MAPK6: variants seen among roughly 807,000 people sequenced by gnomAD.
MAPK6 encodes the protein ERK-3.
Under a neutral mutation model 59.3 loss-of-function variants are expected in MAPK6, and 19 were observed. The ratio of observed to expected loss-of-function variants is 0.32; its 90% confidence interval spans 0.22 to 0.47. The LOEUF is 0.47. Ranked by LOEUF, MAPK6 falls within the 20% of genes least tolerant of loss-of-function variation. The probability of loss-of-function intolerance (pLI) is 1.00; values close to 1 mark genes in which losing one functional copy is unlikely to be tolerated. For missense variants in MAPK6, 724 were observed against 847.9 expected, an observed-to-expected ratio of 0.85 and a Z score of 1.81; for synonymous variants, 316 against 290.3, an observed-to-expected ratio of 1.09 and a Z score of -0.90.
At chr15:52,025,434 A>G (rs1595979985) in intron 1 of MAPK6, among the ~76,000 whole-genome samples, 1 of 152,226 alleles carries the variant, frequency 6.6e-6, no homozygotes, top group African/African-American at 2.4e-5. Flanking sequence ...GCCATTGGCC[A>G]TGTGTGACTG....
chr15:52,057,646 G>GCCTCC (rs2032033992), intron 3 of MAPK6, among the ~76,000 whole-genome samples: 1 of 152,142 alleles, frequency 6.6e-6, no homozygotes, highest in Non-Finnish European at 1.5e-5. Flanking sequence ...CAGGGTCCAA[G>GCCTCC]CAATTCTTGT....
chr15:51,981,777 G>A lies in MAPK6; in HGVS notation c.-879-1429G>A, dbSNP rs1313456170. 2.0e-5 allele frequency among the ~76,000 whole-genome samples: 3 copies of A among 152,122 alleles called. No homozygotes were observed. The East Asian group carries it at 5.8e-4, about 29-fold the overall frequency. ...AACTACTGGAGGAAAGAATCAGAAG[G>A]AACAAAGAAAGGAGGATGGGGTACG... On this transcript the variant is annotated intron_variant, in intron 1 of 7. Coordinates refer to the MAPK6 transcript ENST00000691380.
exon 1 of MAPK6, chr15:51,971,879 C>T: frequency 1.1e-6 from 1 of 930,740 alleles, no homozygotes; most frequent in Admixed American, 1.9e-5. Context: ...CTAGTTTTCG[C>T]TCGCCCAGTG....
chr15:52,063,043 A>G (rs2032267024), intron 5 of MAPK6, among the ~76,000 whole-genome samples: 1 of 151,956 alleles, frequency 6.6e-6, no homozygotes, highest in African/African-American at 2.4e-5. Flanking sequence ...TTTTTTCTCC[A>G]TGTGTCCATT....
At chr15:51,989,259 T>G (rs556164259) in intron 2 of MAPK6, among the ~76,000 whole-genome samples, 1 of 151,978 alleles carries the variant, frequency 6.6e-6, no homozygotes, top group South Asian at 2.1e-4. Flanking sequence ...TTTGTATTTT[T>G]GTAGAGACCG....
chr15:52,064,800 G>C lies in MAPK6; in HGVS notation c.1966G>C (p.Gly656Arg). 2 of 1,611,958 alleles carry C rather than the reference G, an allele frequency of 1.2e-6. No homozygotes were observed. Among genetic ancestry groups the C allele is most frequent in the Non-Finnish European group, 1.7e-6 (2 of 1,179,840 alleles). Residue 656 changes from glycine (G) to arginine (R), a missense_variant, in exon 6 of 6, where the codon GGA becomes CGA. Physicochemically the swap from Gly to Arg is moderately radical, Grantham distance 125. This residue lies in a region of MAPK6 where 502 missense variants were observed against 507.6 expected (regional missense o/e 0.99). Coordinates refer to ENST00000261845, the MANE Select transcript of MAPK6 (RefSeq NM_002748.4). Reference protein sequence around the residue: ...PVEDGKLGERGHEEGFLNNSG... With the variant: ...PVEDGKLGERRHEEGFLNNSG... ...AGAGGATGGGAAGCTTGGGGAGAGA[G>C]GACATGAGGAAGGATTTCTGAACAA...
intron 3 of MAPK6, chr15:52,011,410 A>C (rs2030055145): frequency 6.6e-6 from 1 of 152,252 alleles, no homozygotes; most frequent in Non-Finnish European, 1.5e-5. Context: ...AGTGGCCCCC[A>C]AATCTATTGC....
intron 1 of MAPK6, among the ~76,000 whole-genome samples, chr15:51,976,877 G>C (rs2057159026): frequency 6.6e-6 from 1 of 151,746 alleles, no homozygotes; most frequent in Non-Finnish European, 1.5e-5. Context: ...CCGGGAGGCG[G>C]AGGATGCAGG....
At chr15:52,039,100 C>T (rs1018897750) in intron 1 of MAPK6, among the ~76,000 whole-genome samples, 7 of 152,332 alleles carry the variant, frequency 4.6e-5, no homozygotes, top group East Asian at 1.9e-4. Flanking sequence ...GCAACCTCCA[C>T]CTCCCAGGTT....
chr15:52,062,743 C>T (rs920639896), intron 5 of MAPK6, among the ~76,000 whole-genome samples: 5 of 152,138 alleles, frequency 3.3e-5, no homozygotes, highest in Middle Eastern at 6.8e-3. Flanking sequence ...CCAGCCTGGG[C>T]GACAGAGCAA....
intron 1 of MAPK6, among the ~76,000 whole-genome samples, chr15:52,031,466 T>C (rs1273028014): frequency 6.6e-6 from 1 of 152,230 alleles, no homozygotes; most frequent in African/African-American, 2.4e-5. Context: ...TGGGAGGATT[T>C]AGTGTAAGGG....
At chr15:51,984,223 A>C (rs1265854951) in intron 2 of MAPK6, among the ~76,000 whole-genome samples, 1 of 152,174 alleles carries the variant, frequency 6.6e-6, no homozygotes, top group Admixed American at 6.6e-5. Flanking sequence ...AGAAAGGAGC[A>C]TCATATATTG....
At chr15:51,972,562 G>T (rs1055312224) in intron 1 of MAPK6, among the ~76,000 whole-genome samples, 15 of 148,902 alleles carry the variant, frequency 1.0e-4, no homozygotes, top group South Asian at 4.3e-4. Context: ...GGTCGCTCAC[G>T]CCTGTAATCC....
intron 2 of MAPK6, among the ~76,000 whole-genome samples, chr15:51,992,293 A>ATCTATC (rs56098548): frequency 0.014 from 1,447 of 101,194 alleles, 19 homozygotes; most frequent in African/African-American, 0.031. Flanking sequence ...CTATCTATCT[A>ATCTATC]TATATATATA....
At chr15:52,038,532 C>T (rs146958604) in intron 1 of MAPK6, among the ~76,000 whole-genome samples, 192 of 152,264 alleles carry the variant, frequency 1.3e-3, no homozygotes, top group African/African-American at 4.4e-3. Flanking sequence ...CTGACAGCTA[C>T]GTTGAACTTG....
intron 2 of MAPK6, among the ~76,000 whole-genome samples, chr15:51,998,459 C>T (rs1382218248): frequency 6.6e-6 from 1 of 151,074 alleles, no homozygotes; most frequent in African/African-American, 2.4e-5. Flanking sequence ...CCGGCCTCAG[C>T]CTCATAAAGT....
intron 2 of MAPK6, 75 bp from the exon 3 acceptor site, chr15:52,049,918 A>G: frequency 7.3e-7 from 1 of 1,366,700 alleles, no homozygotes; most frequent in Non-Finnish European, 1.0e-6. Flanking sequence ...TGGCAAATTA[A>G]GGATTCTTTA....
chr15:52,050,525 T>C (rs556183925), intron 3 of MAPK6, among the ~76,000 whole-genome samples: 11 of 152,316 alleles, frequency 7.2e-5, no homozygotes, highest in African/African-American at 2.6e-4. Context: ...CAAGTAATTT[T>C]TTGTTAAGTT....
At chr15:52,016,023 T>C (rs2030229774), upstream of MAPK6, among the ~76,000 whole-genome samples, 1 of 142,274 alleles carries the variant, frequency 7.0e-6, no homozygotes, top group Non-Finnish European at 1.5e-5. Context: ...GCCACTGCAC[T>C]CCAGCCTGGG....
Sources: gnomAD v4.1 joint callset for allele counts (sites outside exome capture counted in the v4.1 genomes callset) on GRCh38, gnomAD v4.1.1 for gene constraint, gnomAD v4.1.1 regional missense constraint, MANE v1.5 for transcripts, NCBI Gene and HGNC (gene_info 2026-07-23, HGNC 2026-07-21) for gene names.